Variants in TECPR2 observed in about 807,000 individuals in gnomAD.
The protein encoded by TECPR2 is tectonin beta-propeller repeat-containing protein 2.
In TECPR2, 65 loss-of-function variants were observed where a neutral mutation model predicts 138.1. That is an observed-to-expected ratio of 0.47 (90% CI 0.39 to 0.58). The LOEUF (loss-of-function observed/expected upper bound fraction) is 0.58, where lower values mean the gene tolerates loss of function less well. TECPR2 is among the 20% of genes least tolerant of loss of function. The probability of loss-of-function intolerance (pLI) is 0.00; values close to 1 mark genes in which losing one functional copy is unlikely to be tolerated. For missense variants in TECPR2, 1,553 were observed against 1,824.5 expected, an observed-to-expected ratio of 0.85 and a Z score of 2.71; for synonymous variants, 746 against 749.8, an observed-to-expected ratio of 0.99 and a Z score of 0.08.
intron 16 of TECPR2, among the ~76,000 whole-genome samples, chr14:102,453,018 C>T (rs180679824): frequency 1.3e-5 from 2 of 152,288 alleles, no homozygotes; most frequent in East Asian, 3.9e-4. Flanking sequence ...ATCAGTGCCA[C>T]GTTTGTCTAT....
intron 16 of TECPR2, among the ~76,000 whole-genome samples, chr14:102,458,523 C>T (rs577705788): frequency 6.0e-4 from 91 of 152,224 alleles, no homozygotes; most frequent in Non-Finnish European, 1.1e-3. Flanking sequence ...TCCGAGGCCT[C>T]GTGCGTTGGG....
intron 16 of TECPR2, among the ~76,000 whole-genome samples, chr14:102,457,663 C>T (rs996100673): frequency 1.3e-5 from 2 of 152,062 alleles, no homozygotes; most frequent in Non-Finnish European, 2.9e-5. Context: ...GGGAGGACTG[C>T]TTGAGGCCAG....
At chr14:102,459,985 T>C (rs1890366080) in intron 16 of TECPR2, among the ~76,000 whole-genome samples, 1 of 152,166 alleles carries the variant, frequency 6.6e-6, no homozygotes, top group African/African-American at 2.4e-5. Context: ...AAATTTTAAT[T>C]TCAGACTGGG....
intron 1 of TECPR2, among the ~76,000 whole-genome samples, chr14:102,371,004 C>A (rs1271418955): frequency 6.6e-6 from 1 of 152,202 alleles, no homozygotes; most frequent in Non-Finnish European, 1.5e-5. Context: ...GTGTTTATAG[C>A]TAGGATGTAA....
intron 16 of TECPR2, among the ~76,000 whole-genome samples, chr14:102,458,966 C>CATATATATATATATAT (rs3068229): frequency 6.4e-4 from 88 of 138,368 alleles, no homozygotes; most frequent in African/African-American, 2.1e-3. Context: ...AAAATACACA[C>CATATATATATATATAT]ATATATATAT....
rs927997233 is a variant in TECPR2, at chr14:102,363,072, T to C, written c.-117T>C. 2.2e-5 allele frequency: 11 copies of C among 499,300 alleles called. No homozygotes were observed. Among genetic ancestry groups the C allele is most frequent in the African/African-American group, 1.8e-4 (9 of 48,800 alleles). 30.9% of individuals were successfully genotyped at this position (499,300 alleles called of 1,614,324 possible). ...GCGGCCCGGAGTCCATCCCGCCTCC[T>C]CCGGCCCGGCGGGGCCGACGAGTCC... On this transcript the variant is annotated 5_prime_UTR_variant, in exon 1 of 20. Transcript: ENST00000359520.
chr14:102,476,711 A>G (rs1890773404), intron 17 of TECPR2, among the ~76,000 whole-genome samples: 1 of 148,054 alleles, frequency 6.8e-6, no homozygotes, highest in African/African-American at 2.4e-5. Flanking sequence ...TTGATGAAAT[A>G]ATTATGCTGA....
chr14:102,437,337 A>G (rs1424447234), intron 9 of TECPR2, among the ~76,000 whole-genome samples: 1 of 152,236 alleles, frequency 6.6e-6, no homozygotes, highest in Non-Finnish European at 1.5e-5. Context: ...ACCTGAGGTC[A>G]GGAGTTCGAG....
At chr14:102,370,187 T>C (rs931264371) in intron 1 of TECPR2, among the ~76,000 whole-genome samples, 4 of 151,984 alleles carry the variant, frequency 2.6e-5, no homozygotes, top group Non-Finnish European at 5.9e-5. Context: ...TTCTCCTGCC[T>C]CAGCCTCCTG....
intron 17 of TECPR2, among the ~76,000 whole-genome samples, chr14:102,490,202 T>C (rs1246412751): frequency 6.6e-6 from 1 of 152,202 alleles, no homozygotes; most frequent in East Asian, 1.9e-4. Context: ...CCTGTGCTGC[T>C]TCCCACTGGC....
intron 2 of TECPR2, among the ~76,000 whole-genome samples, chr14:102,403,070 A>G (rs1328879656): frequency 6.6e-6 from 1 of 152,244 alleles, no homozygotes; most frequent in Non-Finnish European, 1.5e-5. Context: ...TATCAAAACT[A>G]GAAAAGATAA....
chr14:102,440,344 T>C, intron 10 of TECPR2, 92 bp from the exon 11 acceptor site: 13 of 1,501,814 alleles, frequency 8.7e-6, no homozygotes, highest in South Asian at 3.9e-5. Flanking sequence ...GTTTTAGAAA[T>C]CTTTCTCCCC....
At chr14:102,493,036 GCTTCCAGCGCCCAT>G (rs1292371658) in intron 17 of TECPR2, among the ~76,000 whole-genome samples, 1 of 152,242 alleles carries the variant, frequency 6.6e-6, no homozygotes, top group Admixed American at 6.5e-5. Context: ...CCACCGTGCT[GCTTCCAGCGCCCAT>G]CTTTCTCTAT....
In TECPR2 at chr14:102,438,032, G is replaced by A; in HGVS notation, c.2405G>A (p.Ser802Asn). The change falls in exon 10 of 20, where the codon AGC becomes AAC. Residue 802 changes from serine (S) to asparagine (N), a missense_variant. Transcript: ENST00000359520. ...CTCTTCCCTTGTTAGTTTGCAGAAA[G>A]CTGGATGGGCTACTCGGGTCCCGGC... ...GLLKPDQFAE[S>N]WMGYSGPGYG... 2 of 1,613,722 alleles carry A rather than the reference G, an allele frequency of 1.2e-6. No homozygotes were observed. Among genetic ancestry groups the A allele is most frequent in the East Asian group, 2.2e-5 (1 of 44,862 alleles).
chr14:102,438,754 G>A (rs1889749607), intron 10 of TECPR2, among the ~76,000 whole-genome samples: 1 of 152,122 alleles, frequency 6.6e-6, no homozygotes, highest in Non-Finnish European at 1.5e-5. Flanking sequence ...GCTGCTGTTA[G>A]GCCATTGTTA....
chr14:102,474,207 G>T (rs370951571), intron 17 of TECPR2, among the ~76,000 whole-genome samples: 1 of 152,192 alleles, frequency 6.6e-6, no homozygotes, highest in Non-Finnish European at 1.5e-5. Flanking sequence ...GGTCAAGGCT[G>T]CAGTGAGCCA....
At chr14:102,431,683 TTAGC>T in intron 7 of TECPR2, 109 bp from the exon 8 acceptor site, 1 of 1,097,946 alleles carries the variant, frequency 9.1e-7, no homozygotes, top group Admixed American at 2.3e-5. Flanking sequence ...ATTCAGTTCT[TTAGC>T]TGGCTGGTGC....
intron 17 of TECPR2, among the ~76,000 whole-genome samples, chr14:102,492,690 A>G (rs1891183866): frequency 6.6e-6 from 1 of 152,106 alleles, no homozygotes. Flanking sequence ...CCCTTCCCAG[A>G]GGCCTGGCAG....
chr14:102,450,476 C>T, intron 14 of TECPR2, 84 bp from the exon 15 acceptor site: 1 of 1,348,984 alleles, frequency 7.4e-7, no homozygotes, highest in Non-Finnish European at 1.0e-6. Context: ...GTTTGAAGGC[C>T]AGCTGTCGTC....
Sources: allele counts gnomAD v4.1 joint callset (sites outside exome capture counted in the v4.1 genomes callset), GRCh38; gene constraint gnomAD v4.1.1; transcripts MANE v1.5; gene names NCBI Gene and HGNC (gene_info 2026-07-23, HGNC 2026-07-21).